The following SHROOM2 variants were observed in gnomAD, a reference collection of about 807,000 sequenced individuals.
The protein encoded by SHROOM2 is shroom family member 2, also known as protein Shroom2.
A neutral mutation model predicts 75.9 loss-of-function variants in SHROOM2; 33 were observed. That is an observed-to-expected ratio of 0.43 (90% CI 0.33 to 0.58). The LOEUF is 0.58. Among genes scored for constraint, SHROOM2 ranks in the 20% least tolerant of loss-of-function variants. The pLI, the probability that SHROOM2 is intolerant of heterozygous loss-of-function variation, is 0.04. For missense variants in SHROOM2, 1,434 were observed against 1,461.2 expected (o/e 0.98, Z 0.30); for synonymous variants, 655 against 663.6 (o/e 0.99, Z 0.20).
chrX:9,923,265 G>A (rs2084563828), intron 5 of SHROOM2, among the ~76,000 whole-genome samples: 1 of 111,040 alleles, frequency 9.0e-6, no homozygotes, highest in Admixed American at 9.6e-5. Context: ...GGTTCAAGAA[G>A]CCTTTCTGGC....
Position 9,910,935 on chromosome X carries a change from G to A in SHROOM2, c.2891+12645G>A, listed in dbSNP as rs137926162. On this transcript the variant is annotated intron_variant, in intron 5 of 9. Coordinates refer to ENST00000380913, the MANE Select transcript of SHROOM2 (RefSeq NM_001649.4). Reference sequence around the variant, plus strand: ...TGGGCTCAAGCAGTCCTCCCGCCTCGGCCTCCCAAAAGTGCTGGGGTTATA... The same window carrying A: ...TGGGCTCAAGCAGTCCTCCCGCCTCAGCCTCCCAAAAGTGCTGGGGTTATA... Among the ~76,000 whole-genome samples, 976 of 110,241 alleles carry A rather than the reference G, an allele frequency of 8.9e-3. 8 individuals are homozygous for A. The highest frequency in any genetic ancestry group is 0.028 in the African/African-American group (834 of 30,318).
intron 6 of SHROOM2, among the ~76,000 whole-genome samples, chrX:9,935,335 T>TTTA (rs1555943641): frequency 7.1e-5 from 7 of 98,636 alleles, no homozygotes; most frequent in African/African-American, 1.2e-4. Context: ...ATTATTATTA[T>TTTA]TTATTATTAT....
At chrX:9,838,551 G>C (rs754935591) in intron 1 of SHROOM2, among the ~76,000 whole-genome samples, 17 of 111,778 alleles carry the variant, frequency 1.5e-4, no homozygotes, top group Admixed American at 1.1e-3. Flanking sequence ...CTGCAGGAAA[G>C]TATCTCAGTA....
chrX:9,868,451 G>A (rs1383315023), intron 1 of SHROOM2, among the ~76,000 whole-genome samples: 1 of 109,198 alleles, frequency 9.2e-6, no homozygotes, highest in East Asian at 2.9e-4. Flanking sequence ...TCACCATCTT[G>A]GGCAGGTTGG....
intron 2 of SHROOM2, among the ~76,000 whole-genome samples, chrX:9,874,048 G>A (rs2084185496): frequency 8.9e-6 from 1 of 112,406 alleles, no homozygotes; most frequent in South Asian, 3.7e-4. Flanking sequence ...TCTTTCCTTT[G>A]TTTATATGTA....
chrX:9,895,074 A>G lies in SHROOM2; in HGVS notation c.1166A>G (p.Gln389Arg). 4 of 1,208,763 alleles carry G rather than the reference A, an allele frequency of 3.3e-6. No individual in the cohort carries two copies. Among genetic ancestry groups the G allele is most frequent in the Non-Finnish European group, 4.5e-6 (4 of 894,110 alleles). Residue 389 changes from glutamine to arginine, a missense_variant, in exon 4 of 10, where the codon CAG becomes CGG. Gln to Arg is a conservative substitution (Grantham distance 43). Coordinates refer to ENST00000380913, the MANE Select transcript of SHROOM2 (RefSeq NM_001649.4). ...GGATCGGGAGGCCCGGGCTGCCCAC[A>G]GGAGGCCCACGCAGACGGCAGCTGG... is the stretch of plus-strand genomic sequence containing the variant. ...GKGSGGPGCPQEAHADGSWPP... is the reference protein window; with the variant it reads ...GKGSGGPGCPREAHADGSWPP...
At chrX:9,898,967 G>T (rs2012821) in intron 5 of SHROOM2, among the ~76,000 whole-genome samples, 1 of 109,567 alleles carries the variant, frequency 9.1e-6, no homozygotes, top group East Asian at 2.9e-4. Flanking sequence ...ATCTGTGCTG[G>T]GTGTGGTGGT....
intron 1 of SHROOM2, among the ~76,000 whole-genome samples, chrX:9,788,237 A>G (rs1479722961): frequency 9.2e-6 from 1 of 108,982 alleles, no homozygotes; most frequent in African/African-American, 3.3e-5. Flanking sequence ...CCCAAAAGCT[A>G]CTGAAAAGTC....
chrX:9,941,024 G>A (rs985311747), intron 8 of SHROOM2, among the ~76,000 whole-genome samples: 3 of 112,172 alleles, frequency 2.7e-5, no homozygotes, highest in Non-Finnish European at 5.6e-5. Flanking sequence ...ACAAGATATG[G>A]TTTTATACTT....
In SHROOM2 at chrX:9,788,576, G is replaced by A. The variant is rs754421456; in HGVS notation, c.165+1866G>A. On this transcript the variant is annotated intron_variant, in intron 1 of 9. Coordinates refer to ENST00000380913, the MANE Select transcript of SHROOM2 (RefSeq NM_001649.4). ...CCAGGCAGGGCAAATGGTGTATCCT[G>A]AGGTCACAAACTGTTGAGTCCTGGG... Among the ~76,000 whole-genome samples the A allele has an allele frequency of 3.6e-5, 4 of 111,410 alleles. No homozygotes were observed. In the East Asian group the frequency reaches 1.1e-3, roughly 32 times the overall value.
intron 1 of SHROOM2, among the ~76,000 whole-genome samples, chrX:9,807,101 G>A (rs1386037316): frequency 3.6e-5 from 4 of 111,792 alleles, no homozygotes; most frequent in Non-Finnish European, 7.5e-5. Flanking sequence ...CAAGTGAAGG[G>A]GTTGGGTTCC....
chrX:9,942,513 G>T (rs1313494422), intron 8 of SHROOM2, among the ~76,000 whole-genome samples: 1 of 112,091 alleles, frequency 8.9e-6, no homozygotes, highest in Non-Finnish European at 1.9e-5. Context: ...GGGTTCCCAT[G>T]ACCCCCTCTT....
chrX:9,927,350 T>G (rs2084604243), intron 5 of SHROOM2, among the ~76,000 whole-genome samples: 1 of 58,964 alleles, frequency 1.7e-5, no homozygotes, highest in South Asian at 1.6e-3. Flanking sequence ...ACCCTATCTC[T>G]GTCTCCAAAA....
chrX:9,791,796 C>T (rs190541579), intron 1 of SHROOM2, among the ~76,000 whole-genome samples: 6 of 110,053 alleles, frequency 5.5e-5, no homozygotes, highest in South Asian at 3.8e-4. Flanking sequence ...AGTTCAGGAC[C>T]AGCCTGACCA....
At chrX:9,825,640 C>G (rs953316028) in intron 1 of SHROOM2, among the ~76,000 whole-genome samples, 3 of 112,076 alleles carry the variant, frequency 2.7e-5, no homozygotes, top group African/African-American at 9.7e-5. Context: ...ATGGGCATTC[C>G]CTGGCATTGA....
intron 5 of SHROOM2, among the ~76,000 whole-genome samples, chrX:9,924,197 A>T (rs1242431993): frequency 3.6e-5 from 4 of 111,954 alleles, no homozygotes. Context: ...GTTGCAGCAG[A>T]GCCTGTGAGA....
At chrX:9,808,797 G>C (rs765381514) in intron 1 of SHROOM2, among the ~76,000 whole-genome samples, 1 of 110,650 alleles carries the variant, frequency 9.0e-6, no homozygotes, top group South Asian at 3.9e-4. Context: ...GGGAAGCGGA[G>C]GTTGCAGTGA....
intron 1 of SHROOM2, among the ~76,000 whole-genome samples, chrX:9,807,103 T>C (rs1452356585): frequency 3.6e-5 from 4 of 111,280 alleles, no homozygotes; most frequent in Non-Finnish European, 7.5e-5. Flanking sequence ...AGTGAAGGGG[T>C]TGGGTTCCCA....
intron 3 of SHROOM2, 91 bp from the exon 4 acceptor site, chrX:9,894,267 C>T: frequency 1.1e-6 from 1 of 903,757 alleles, no homozygotes; most frequent in South Asian, 2.4e-5. Context: ...TTTGGTATTT[C>T]CACAGAGGGT....
Sources: allele counts gnomAD v4.1 joint callset (sites outside exome capture counted in the v4.1 genomes callset), GRCh38; gene constraint gnomAD v4.1.1; transcripts MANE v1.5; gene names NCBI Gene and HGNC (gene_info 2026-07-23, HGNC 2026-07-21).